Variants in GPI observed in about 807,000 individuals in gnomAD.
The protein encoded by GPI is glucose-6-phosphate isomerase.
GPI carries 56 observed loss-of-function variants against 75.8 expected under a neutral mutation model. The observed-to-expected ratio is 0.74, with a 90% CI of 0.60 to 0.92. The LOEUF (loss-of-function observed/expected upper bound fraction) is 0.92. GPI is among the 40% of genes least tolerant of loss of function. GPI has a pLI of 0.00. For synonymous variants in GPI, 288 were observed against 285.4 expected (o/e 1.01, Z -0.09); for missense variants, 638 against 741.0 (o/e 0.86, Z 1.61).
intron 9 of GPI, 132 bp downstream of exon 9, chr19:34,381,651 G>T: frequency 1.3e-6 from 1 of 786,996 alleles, no homozygotes; most frequent in Non-Finnish European, 2.3e-6. Flanking sequence ...AAGGTAGAGA[G>T]GCCCTCAGAG....
intron 1 of GPI, 96 bp downstream of exon 1, chr19:34,365,484 ACC>A: frequency 6.7e-7 from 1 of 1,496,698 alleles, no homozygotes; most frequent in Non-Finnish European, 8.9e-7. Context: ...GTGCCCGGGG[ACC>A]CCAGTCCCCG....
At position 34,394,081 on chromosome 19, in the gene GPI, G is replaced by T; in HGVS notation, c.1062+15G>T. 6.2e-7 allele frequency: 1 copy of T among 1,604,928 alleles called. No homozygotes were observed. ...ACTTCCAGCAGGTACCAGCTGCCAAGCCAGGCCTTGGAGTCAGCAAGATTT... is the reference window on the plus strand; with the variant it reads ...ACTTCCAGCAGGTACCAGCTGCCAATCCAGGCCTTGGAGTCAGCAAGATTT... On this transcript the variant is annotated intron_variant, in intron 12 of 17. Transcript: ENST00000356487.
Position 34,368,602 on chromosome 19 carries a change from T to C in GPI, c.302T>C (p.Val101Ala). 1.2e-6 allele frequency: 2 copies of C among 1,614,160 alleles called. No individual in the cohort carries two copies. The highest frequency in any genetic ancestry group is 1.7e-6 in the Non-Finnish European group (2 of 1,180,002). Residue 101 changes from valine (V) to alanine (A), a missense_variant, in exon 4 of 18, where the codon GTG becomes GCG. Coordinates refer to ENST00000356487, the MANE Select transcript of GPI (RefSeq NM_000175.5). ...CCCCAGGGTCGAGCCGTGCTGCACG[T>C]GGCTCTGCGGAACCGGTCAAACACA... ...NYTEGRAVLHVALRNRSNTPI... is the reference protein window; with the variant it reads ...NYTEGRAVLHAALRNRSNTPI...
At chr19:34,378,352 C>T (rs1373358049) in intron 6 of GPI, among the ~76,000 whole-genome samples, 1 of 152,018 alleles carries the variant, frequency 6.6e-6, no homozygotes, top group Non-Finnish European at 1.5e-5. Context: ...ACCACCACGC[C>T]TGGCTAATTT....
rs1054511736 is a variant in GPI at position 34,393,649 on chromosome 19, C to T, written c.866-79C>T. 9.4e-6 allele frequency: 13 copies of T among 1,377,808 alleles called. No homozygotes were observed. The highest frequency in any genetic ancestry group is 6.8e-5 in the East Asian group (3 of 43,806). The allele number at this position is 1,377,808 out of a possible 1,614,324, so 85.3% of individuals were successfully genotyped here. A position where few individuals can be genotyped will look rare whatever the true frequency, so the allele number is the denominator to read the frequency against. On this transcript the variant is annotated intron_variant, in intron 10 of 17. Transcript: ENST00000356487. The surrounding 1 kb of genome is among the most constrained non-coding windows in gnomAD (Gnocchi z 4.4). ...TCTGGCTCTCCATGCAGCCTTCCTTCGTTGCAGAAGGAGCTGTGCCCACTG... is the reference window on the plus strand; with the variant it reads ...TCTGGCTCTCCATGCAGCCTTCCTTTGTTGCAGAAGGAGCTGTGCCCACTG...
intron 9 of GPI, chr19:34,392,284 G>C (rs2074865038): frequency 1.3e-4 from 1 of 7,588 alleles, no homozygotes; most frequent in Non-Finnish European, 2.9e-4. Flanking sequence ...GTGTGTGTCA[G>C]TGTCTGAGGA....
intron 9 of GPI, among the ~76,000 whole-genome samples, chr19:34,389,550 A>C (rs1303845581): frequency 1.3e-5 from 2 of 152,160 alleles, no homozygotes; most frequent in Non-Finnish European, 2.9e-5. Context: ...CGTGTCTAGA[A>C]GGTTACTAGT....
chr19:34,389,230 C>A (rs1156861246), intron 9 of GPI, among the ~76,000 whole-genome samples: 1 of 152,198 alleles, frequency 6.6e-6, no homozygotes, highest in African/African-American at 2.4e-5. Flanking sequence ...TGAGTGGCCC[C>A]ACCGGTCATC....
intron 9 of GPI, among the ~76,000 whole-genome samples, chr19:34,381,768 A>G (rs2074657338): frequency 6.6e-6 from 1 of 152,168 alleles, no homozygotes; most frequent in Non-Finnish European, 1.5e-5. Flanking sequence ...GCCTGCCTGC[A>G]ACACCCACTG....
upstream of GPI, chr19:34,365,007 G>T (rs559864276): frequency 2.0e-4 from 299 of 1,533,132 alleles, 5 homozygotes; most frequent in South Asian, 3.4e-3. Context: ...CCAGCAAAGC[G>T]GCGGCGCAAG....
At chr19:34,377,979 G>T (rs543867250) in intron 6 of GPI, 98 bp downstream of exon 6, 33 of 1,283,928 alleles carry the variant, frequency 2.6e-5, no homozygotes, top group Middle Eastern at 2.3e-4. Flanking sequence ...GTCCCTTTTG[G>T]TGGGTTCCGA....
chr19:34,365,635 C>T (rs941210246), intron 1 of GPI: 2 of 675,148 alleles, frequency 3.0e-6, no homozygotes, highest in African/African-American at 3.6e-5. Flanking sequence ...AAAACGGGCC[C>T]CTCCGTGGGG....
At chr19:34,365,670 C>A (rs189951344) in intron 1 of GPI, 1 of 603,162 alleles carries the variant, frequency 1.7e-6, no homozygotes, top group Non-Finnish European at 3.1e-6. Flanking sequence ...CCTCCCCGTG[C>A]AGCTCTGGCC....
intron 8 of GPI, among the ~76,000 whole-genome samples, chr19:34,380,312 G>T (rs952359905): frequency 1.4e-5 from 2 of 143,882 alleles, no homozygotes; most frequent in African/African-American, 5.2e-5. Context: ...TTGAGACAAG[G>T]TCACTCTGTC....
chr19:34,363,121 C>T (rs997030126), upstream of GPI, among the ~76,000 whole-genome samples: 3 of 152,028 alleles, frequency 2.0e-5, no homozygotes, highest in Non-Finnish European at 4.4e-5. Context: ...CTCGTCTGTA[C>T]AAAAAATAAC....
intron 9 of GPI, among the ~76,000 whole-genome samples, chr19:34,386,222 G>C (rs1446548546): frequency 1.3e-5 from 2 of 151,808 alleles, no homozygotes; most frequent in Admixed American, 1.3e-4. Flanking sequence ...GAGAACCCAG[G>C]GTCAAGCACA....
At chr19:34,381,598 G>A (rs1226879688) in intron 9 of GPI, 79 bp downstream of exon 9, 1 of 977,670 alleles carries the variant, frequency 1.0e-6, no homozygotes, top group Non-Finnish European at 1.7e-6. Flanking sequence ...CATGAGGTCA[G>A]GTCAGTGTTT....
upstream of GPI, among the ~76,000 whole-genome samples, chr19:34,360,200 C>T (rs913804223): frequency 1.3e-5 from 2 of 152,128 alleles, no homozygotes; most frequent in African/African-American, 4.8e-5. Context: ...CACTACCCCC[C>T]AGGATCCTGG....
Position 34,367,799 on chromosome 19 carries a change from G to A in GPI, c.283-784G>A, listed in dbSNP as rs75994337. Among the ~76,000 whole-genome samples, 863 of 152,334 alleles carry A rather than the reference G, an allele frequency of 5.7e-3. 8 individuals are homozygous for A. Among genetic ancestry groups the A allele is most frequent in the African/African-American group, 0.02 (832 of 41,588 alleles). On this transcript the variant is annotated intron_variant, in intron 3 of 17. Transcript: ENST00000356487. Reference sequence around the variant, plus strand: ...TTGGTGAGGGAAGCTTGAGTTGCATGCCTTGCTGCAAATCCAAGGAGCTGA... The same window carrying A: ...TTGGTGAGGGAAGCTTGAGTTGCATACCTTGCTGCAAATCCAAGGAGCTGA...
Sources: gnomAD v4.1 joint callset for allele counts (sites outside exome capture counted in the v4.1 genomes callset) on GRCh38, gnomAD v4.1.1 for gene constraint, Gnocchi (gnomAD v3.1) non-coding constraint, MANE v1.5 for transcripts, NCBI Gene and HGNC (gene_info 2026-07-23, HGNC 2026-07-21) for gene names.